The following WDR12 variants were observed in gnomAD, a reference collection of about 807,000 sequenced individuals.
WDR12 encodes the protein WD repeat domain 12, also known as ribosome biogenesis protein WDR12.
Under a neutral mutation model 64.3 loss-of-function variants are expected in WDR12, and 42 were observed. The ratio of observed to expected loss-of-function variants is 0.65; its 90% CI spans 0.51 to 0.84. The LOEUF is 0.84. Ranked by LOEUF, WDR12 falls within the 40% of genes least tolerant of loss-of-function variation. The pLI is 0.00. For synonymous variants in WDR12, 158 were observed against 173.3 expected, an observed-to-expected ratio of 0.91 and a Z score of 0.70; for missense variants, 469 against 494.6, an observed-to-expected ratio of 0.95 and a Z score of 0.49.
At chr2:202,887,342 G>A (rs1316456334) in intron 8 of WDR12, among the ~76,000 whole-genome samples, 1 of 152,068 alleles carries the variant, frequency 6.6e-6, no homozygotes, top group Non-Finnish European at 1.5e-5. Context: ...TTAATAAGGG[G>A]TTGTTTTTAC....
chr2:202,887,889 C>T (rs1688077528), intron 8 of WDR12, among the ~76,000 whole-genome samples: 1 of 122,090 alleles, frequency 8.2e-6, no homozygotes, highest in African/African-American at 2.9e-5. Context: ...AGCGAGACTC[C>T]GTCTCAAAAA....
Position 202,884,303 on chromosome 2 carries a change from T to C in WDR12, c.883A>G (p.Thr295Ala). 1 of 1,613,890 alleles carries C rather than the reference T, an allele frequency of 6.2e-7. No individual in the cohort carries two copies. The highest frequency in any genetic ancestry group is 8.5e-7 in the Non-Finnish European group (1 of 1,179,962). ...ATACAATTAAACACTTTATTTCCTGTCTGAAAAAGAAAAGGAAAGAACATT... is the reference window on the plus strand; with the variant it reads ...ATACAATTAAACACTTTATTTCCTGCCTGAAAAAGAAAAGGAAAGAACATT... Reference protein sequence around the residue: ...VESGSLKSTLTGNKVFNCISY... With the variant: ...VESGSLKSTLAGNKVFNCISY... The change falls in exon 10 of 13, where the codon ACA becomes GCA. Residue 295 changes from threonine (T) to alanine (A), a missense_variant and splice_region_variant. Physicochemically the swap from Thr to Ala is moderately conservative, Grantham distance 58 (BLOSUM62 0). Coordinates refer to ENST00000261015, the MANE Select transcript of WDR12 (RefSeq NM_018256.4).
intron 1 of WDR12, among the ~76,000 whole-genome samples, chr2:202,908,576 T>TC (rs1688504654): frequency 6.6e-6 from 1 of 152,212 alleles, no homozygotes; most frequent in African/African-American, 2.4e-5. Context: ...CCCAGCCACT[T>TC]CCAGAAAATC....
rs1236733257 is a variant in WDR12, at chr2:202,875,739, C to T, written c.*5121G>A. Reference sequence around the variant, plus strand: ...GAAGACACTTCCACACTCATTCTTTCCATTTATAAAAACATCATTCTTGTG... The same window carrying T: ...GAAGACACTTCCACACTCATTCTTTTCATTTATAAAAACATCATTCTTGTG... On this transcript the variant is annotated 3_prime_UTR_variant, in exon 13 of 13. Transcript: ENST00000261015. 1 of 152,144 alleles carries T rather than the reference C, an allele frequency of 6.6e-6. No individual in the cohort carries two copies. The highest frequency in any genetic ancestry group is 1.5e-5 in the Non-Finnish European group (1 of 68,024). The allele number at this position is 152,144 out of a possible 1,614,324, so 9.4% of individuals were successfully genotyped here.
intron 6 of WDR12, chr2:202,895,857 G>C: frequency 2.0e-6 from 1 of 501,384 alleles, no homozygotes; most frequent in Non-Finnish European, 3.3e-6. Context: ...AATTTCTGGA[G>C]TTTATATAAG....
Position 202,884,439 on chromosome 2 carries a change from T to C in WDR12, c.838A>G (p.Ile280Val), listed in dbSNP as rs1017066677. Residue 280 changes from isoleucine (I) to valine (V), a missense_variant, in exon 9 of 13, where the codon ATT becomes GTT. Physicochemically the swap from Ile to Val is conservative, Grantham distance 29 (BLOSUM62 3). Transcript: ENST00000261015. ...CCAGACTCAACATCCCACACTCTAA[T>C]TGTATGGTCCCAAGATGCACTGCAG... is the stretch of plus-strand genomic sequence containing the variant. The part of the protein sequence containing the change: ...EICSASWDHT[I>V]RVWDVESGSL... 15 of 1,614,132 alleles carry C rather than the reference T, an allele frequency of 9.3e-6. No individual in the cohort carries two copies. The highest frequency in any genetic ancestry group is 1.2e-5 in the Non-Finnish European group (14 of 1,180,030).
chr2:202,903,476 G>T (rs941452949), intron 2 of WDR12, among the ~76,000 whole-genome samples: 5 of 105,486 alleles, frequency 4.7e-5, no homozygotes, highest in Admixed American at 1.1e-4. Flanking sequence ...AGGAAGGAAG[G>T]AAGGAAGGAA....
At chr2:202,904,245 A>G (rs1688413880) in intron 2 of WDR12, among the ~76,000 whole-genome samples, 1 of 151,866 alleles carries the variant, frequency 6.6e-6, no homozygotes, top group Admixed American at 6.6e-5. Context: ...GGAAGAATTT[A>G]ATATTGTTAA....
intron 6 of WDR12, among the ~76,000 whole-genome samples, chr2:202,895,847 A>T (rs1688232460): frequency 6.6e-6 from 1 of 151,802 alleles, no homozygotes; most frequent in South Asian, 2.1e-4. Context: ...CATTTCTTAA[A>T]ATTTCTGGAG....
Position 202,877,119 on chromosome 2 carries a change from T to A in WDR12, c.*3741A>T, listed in dbSNP as rs948280949. On this transcript the variant is annotated 3_prime_UTR_variant, in exon 13 of 13. Transcript: ENST00000261015. ...GATGGTATATATATATATATATTTT[T>A]TTTTTTGCAGGGTTGCTTGTTCCAT... 6.6e-6 allele frequency: 1 copy of A among 151,710 alleles called. No homozygotes were observed. Among genetic ancestry groups the A allele is most frequent in the African/African-American group, 2.4e-5 (1 of 41,352 alleles). The allele number at this position is 151,710 out of a possible 1,614,324, so 9.4% of individuals were successfully genotyped here. A position where few individuals can be genotyped will look rare whatever the true frequency, so the allele number is the denominator to read the frequency against.
chr2:202,910,291 G>A (rs1232904161), intron 1 of WDR12, among the ~76,000 whole-genome samples: 1 of 152,264 alleles, frequency 6.6e-6, no homozygotes, highest in African/African-American at 2.4e-5. Flanking sequence ...GGGAGACCGA[G>A]GTGGGCGGAT....
chr2:202,894,193 G>GT (rs1688200907), intron 7 of WDR12, among the ~76,000 whole-genome samples: 1 of 149,404 alleles, frequency 6.7e-6, no homozygotes, highest in African/African-American at 2.4e-5. Flanking sequence ...CAAAATATGG[G>GT]TTAAAAAGTC....
rs774633711 is a variant in WDR12 at position 202,894,638 on chromosome 2, T to C, written c.610-12A>G. ...GAGCCACTGCAAAACTAAACAGATGTATATGAAGGGAAAAGACATATGTAA... is the reference window on the plus strand; with the variant it reads ...GAGCCACTGCAAAACTAAACAGATGCATATGAAGGGAAAAGACATATGTAA... On this transcript the variant is annotated splice_polypyrimidine_tract_variant and intron_variant, in intron 6 of 12. Transcript: ENST00000261015. The C allele has an allele frequency of 1.2e-6, 2 of 1,603,820 alleles. No individual in the cohort carries two copies. The highest frequency in any genetic ancestry group is 1.7e-6 in the Non-Finnish European group (2 of 1,174,900).
At chr2:202,882,851 T>C in intron 11 of WDR12, 68 bp from the exon 12 acceptor site, 1 of 1,507,380 alleles carries the variant, frequency 6.6e-7, no homozygotes, top group Non-Finnish European at 9.2e-7. Context: ...GAATAATCAC[T>C]TATACTTATC....
chr2:202,909,195 C>G (rs111631414), intron 1 of WDR12, among the ~76,000 whole-genome samples: 7 of 152,212 alleles, frequency 4.6e-5, no homozygotes, highest in African/African-American at 1.7e-4. Flanking sequence ...AGCATATATG[C>G]AAGAGAAACG....
chr2:202,899,951 C>A (rs1688320068), intron 3 of WDR12, among the ~76,000 whole-genome samples: 1 of 152,214 alleles, frequency 6.6e-6, no homozygotes, highest in South Asian at 2.1e-4. Flanking sequence ...CAAAGCAAGA[C>A]CCTGTCTCCT....
At chr2:202,899,443 A>G (rs1355150332) in intron 4 of WDR12, 88 bp downstream of exon 4, 4 of 1,119,162 alleles carry the variant, frequency 3.6e-6, no homozygotes, top group Non-Finnish European at 5.1e-6. Flanking sequence ...ACATTAAATC[A>G]CAGAAAAATA....
chr2:202,874,366 T>C lies in WDR12; in HGVS notation c.*6494A>G, dbSNP rs1286535566. Among the ~76,000 whole-genome samples the C allele has an allele frequency of 6.6e-6, 1 of 152,198 alleles. No individual in the cohort carries two copies. Among genetic ancestry groups the C allele is most frequent in the Non-Finnish European group, 1.5e-5 (1 of 68,034 alleles). ...ACTAAGGGGAAAAAAGGGGTTTTCC[T>C]CCATTGTATAGACTTTTACAAGCTA... On this transcript the variant is annotated 3_prime_UTR_variant, in exon 13 of 13. Transcript: ENST00000261015.
At chr2:202,907,839 G>C (rs369703218) in intron 2 of WDR12, 26 bp downstream of exon 2, 5 of 1,546,428 alleles carry the variant, frequency 3.2e-6, no homozygotes, top group Non-Finnish European at 4.5e-6. Context: ...GGGACACTGT[G>C]CCCTCTCCTA....
Sources: gnomAD v4.1 joint callset for allele counts (sites outside exome capture counted in the v4.1 genomes callset) on GRCh38, gnomAD v4.1.1 for gene constraint, MANE v1.5 for transcripts, NCBI Gene and HGNC (gene_info 2026-07-23, HGNC 2026-07-21) for gene names.